SDK1: variants seen among roughly 807,000 people sequenced by gnomAD.
SDK1 encodes sidekick cell adhesion molecule 1.
SDK1 carries 157 observed loss-of-function variants against 245.5 expected under a neutral mutation model. The ratio of observed to expected loss-of-function variants is 0.64; its 90% CI spans 0.56 to 0.73. The LOEUF is 0.73. Among genes scored for constraint, SDK1 ranks in the 30% least tolerant of loss-of-function variants. SDK1 has a pLI of 0.00. For synonymous variants in SDK1, 1,647 were observed against 1,278.5 expected (o/e 1.29, Z -6.15); for missense variants, 3,583 against 3,002.3 (o/e 1.19, Z -4.52).
chr7:3,977,667 A>G lies in SDK1; in HGVS notation c.1994+3122A>G, dbSNP rs74648651. ...GTTCAGTTACCAGGATGCTGCCTGC[A>G]GTTCTTCCCTGCGCGCAGCTGATCC... On this transcript the variant is annotated intron_variant, in intron 13 of 44. Coordinates refer to ENST00000404826, the MANE Select transcript of SDK1 (RefSeq NM_152744.4). Among the ~76,000 whole-genome samples, 802 of 152,330 alleles carry G rather than the reference A, an allele frequency of 5.3e-3. 8 individuals are homozygous for G. The highest frequency in any genetic ancestry group is 0.018 in the African/African-American group (764 of 41,570).
chr7:3,920,977 G>C (rs1313815532), intron 5 of SDK1, among the ~76,000 whole-genome samples: 1 of 152,172 alleles, frequency 6.6e-6, no homozygotes, highest in Non-Finnish European at 1.5e-5. Flanking sequence ...AGCCAACATA[G>C]AAACAGATAA....
At chr7:4,002,669 T>C (rs984758561) in intron 14 of SDK1, among the ~76,000 whole-genome samples, 4 of 152,152 alleles carry the variant, frequency 2.6e-5, no homozygotes, top group Admixed American at 2.6e-4. Flanking sequence ...CACAAACATA[T>C]ATATACACAA....
chr7:3,611,637 T>G (rs1328375602), intron 1 of SDK1, among the ~76,000 whole-genome samples: 1 of 152,160 alleles, frequency 6.6e-6, no homozygotes, highest in Non-Finnish European at 1.5e-5. Flanking sequence ...TTTTCCATAG[T>G]GGTCGTGCTA....
At chr7:4,240,830 A>T (rs1786472276) in intron 42 of SDK1, among the ~76,000 whole-genome samples, 3 of 151,948 alleles carry the variant, frequency 2.0e-5, no homozygotes. Context: ...GGGGAGAGAA[A>T]CCCGGGAAAT....
At chr7:4,121,999 T>C (rs753259997) in intron 25 of SDK1, among the ~76,000 whole-genome samples, 1 of 152,152 alleles carries the variant, frequency 6.6e-6, no homozygotes. Flanking sequence ...TCTGGACATG[T>C]TGAATGCTGG....
At chr7:3,823,139 C>G (rs754370734) in intron 5 of SDK1, among the ~76,000 whole-genome samples, 1 of 151,808 alleles carries the variant, frequency 6.6e-6, no homozygotes, top group Non-Finnish European at 1.5e-5. Flanking sequence ...TGTACTGTGA[C>G]GTAAAGGAGT....
chr7:3,373,217 C>T (rs557858557), intron 1 of SDK1, among the ~76,000 whole-genome samples: 1 of 152,190 alleles, frequency 6.6e-6, no homozygotes, highest in Admixed American at 6.5e-5. Context: ...AGAGCACTTA[C>T]ATTAGCCTAG....
rs373769425 is a variant in SDK1, at chr7:3,978,404, T to A, written c.1994+3859T>A. The stretch of plus-strand genomic sequence containing the variant: ...AAATGTTGCTGTATGTATAAAATAA[T>A]AGGCTTTCTCTAACGGTAAAACATC... On this transcript the variant is annotated intron_variant, in intron 13 of 44. Coordinates refer to ENST00000404826, the MANE Select transcript of SDK1 (RefSeq NM_152744.4). Among the ~76,000 whole-genome samples, 292 of 152,356 alleles carry A rather than the reference T, an allele frequency of 1.9e-3. 1 individual carries two copies. The highest frequency in any genetic ancestry group is 0.014 in the Middle Eastern group (4 of 294).
chr7:3,580,419 A>G lies in SDK1; in HGVS notation c.299-38661A>G, dbSNP rs931469103. ...ACTGCAGGGCTACAGTAACCAGAAC[A>G]GTATGGTACTTGTACAAAGACAGAC... is the stretch of plus-strand genomic sequence containing the variant. On this transcript the variant is annotated intron_variant, in intron 1 of 44. Coordinates refer to ENST00000404826, the MANE Select transcript of SDK1 (RefSeq NM_152744.4). Among the ~76,000 whole-genome samples, 4 of 152,352 alleles carry G rather than the reference A, an allele frequency of 2.6e-5. No homozygotes were observed. The East Asian group carries it at 7.7e-4, about 29-fold the overall frequency.
At chr7:4,190,792 A>G (rs1783155215) in intron 35 of SDK1, among the ~76,000 whole-genome samples, 1 of 152,236 alleles carries the variant, frequency 6.6e-6, no homozygotes, top group East Asian at 1.9e-4. Context: ...GGCGGGTGAT[A>G]GGAGCAGCTT....
At chr7:3,642,141 T>C in intron 4 of SDK1, 36 bp downstream of exon 4, 1 of 1,604,214 alleles carries the variant, frequency 6.2e-7, no homozygotes, top group Non-Finnish European at 8.5e-7. Context: ...TCAAATACAA[T>C]TGTAATGTCA....
chr7:3,700,373 C>G lies in SDK1; in HGVS notation c.713+58268C>G, dbSNP rs190562938. The stretch of plus-strand genomic sequence containing the variant: ...GTTGATGTAAAAAGTATAACATTGT[C>G]AAATGTAGTTCACAGTGATATAGAG... On this transcript the variant is annotated intron_variant, in intron 4 of 44. Transcript: ENST00000404826. Among the ~76,000 whole-genome samples, 7 of 152,212 alleles carry G rather than the reference C, an allele frequency of 4.6e-5. No individual in the cohort carries two copies. The East Asian group carries it at 1.2e-3, about 25-fold the overall frequency.
At chr7:4,079,279 C>G (rs1357897060) in intron 21 of SDK1, among the ~76,000 whole-genome samples, 184 bp from the exon 22 acceptor site, 1 of 152,238 alleles carries the variant, frequency 6.6e-6, no homozygotes, top group Non-Finnish European at 1.5e-5. Flanking sequence ...AAAGCAAAAA[C>G]CATGCACTGA....
intron 1 of SDK1, among the ~76,000 whole-genome samples, chr7:3,606,037 A>T (rs1193455252): frequency 6.6e-6 from 1 of 152,168 alleles, no homozygotes; most frequent in South Asian, 2.1e-4. Context: ...CACTTCATGA[A>T]TCTAACTGCT....
intron 5 of SDK1, among the ~76,000 whole-genome samples, chr7:3,887,198 C>T (rs1346505663): frequency 6.6e-6 from 1 of 152,046 alleles, no homozygotes; most frequent in Non-Finnish European, 1.5e-5. Context: ...TCTTGTGGCT[C>T]CCCTATCTGA....
Position 3,840,669 on chromosome 7 carries a change from G to A in SDK1, c.847+19086G>A, listed in dbSNP as rs1481900084. Among the ~76,000 whole-genome samples the A allele has an allele frequency of 3.9e-5, 6 of 152,326 alleles. No homozygotes were observed. The East Asian group carries it at 7.7e-4, about 20-fold the overall frequency. Reference sequence around the variant, plus strand: ...AGCTCCCAGGTGATGCTGATACTGCGGTTCACGGACAACTCTGGTCACGGA... The same window carrying A: ...AGCTCCCAGGTGATGCTGATACTGCAGTTCACGGACAACTCTGGTCACGGA... On this transcript the variant is annotated intron_variant, in intron 5 of 44. Coordinates refer to ENST00000404826, the MANE Select transcript of SDK1 (RefSeq NM_152744.4).
At chr7:3,453,674 G>C (rs1010351602) in intron 1 of SDK1, among the ~76,000 whole-genome samples, 3 of 152,142 alleles carry the variant, frequency 2.0e-5, no homozygotes, top group Non-Finnish European at 4.4e-5. Flanking sequence ...GGAACTTCTG[G>C]GCTCAAACCA....
intron 44 of SDK1, among the ~76,000 whole-genome samples, chr7:4,254,709 C>T (rs1787524627): frequency 6.6e-6 from 1 of 151,338 alleles, no homozygotes; most frequent in South Asian, 2.1e-4. Flanking sequence ...TCATATATTG[C>T]AGCAACTCTG....
At chr7:3,654,707 G>A (rs1389248965) in intron 4 of SDK1, among the ~76,000 whole-genome samples, 5 of 152,204 alleles carry the variant, frequency 3.3e-5, no homozygotes, top group African/African-American at 1.2e-4. Context: ...TCTGTGCCAA[G>A]TGAATAGCCC....
Sources: gnomAD v4.1 joint callset for allele counts (sites outside exome capture counted in the v4.1 genomes callset) on GRCh38, gnomAD v4.1.1 for gene constraint, MANE v1.5 for transcripts, NCBI Gene and HGNC (gene_info 2026-07-23, HGNC 2026-07-21) for gene names.